Variants in ULK4 observed in about 807,000 individuals in gnomAD.
ULK4 encodes inactive serine/threonine-protein kinase ULK4.
In ULK4, 133 loss-of-function variants were observed where a neutral mutation model predicts 160.6. The observed-to-expected ratio is 0.83, with a 90% CI of 0.72 to 0.96. The LOEUF (loss-of-function observed/expected upper bound fraction) is 0.96, where lower values mean the gene tolerates loss of function less well. Among genes scored for constraint, ULK4 ranks in the 40% least tolerant of loss-of-function variants. The probability of loss-of-function intolerance (pLI) is 0.00; values close to 1 mark genes in which losing one functional copy is unlikely to be tolerated. For missense variants in ULK4, 1,580 were observed against 1,499.5 expected, an observed-to-expected ratio of 1.05 and a Z score of -0.89; for synonymous variants, 534 against 539.8, an observed-to-expected ratio of 0.99 and a Z score of 0.15.
chr3:41,856,547 A>G (rs1304023246), intron 17 of ULK4, among the ~76,000 whole-genome samples: 833 of 76,014 alleles, frequency 0.011, 25 homozygotes, highest in African/African-American at 0.044. Flanking sequence ...GTATATATAT[A>G]TGTGTATATA....
intron 32 of ULK4, among the ~76,000 whole-genome samples, chr3:41,497,984 G>T (rs1165841864): frequency 6.6e-6 from 1 of 152,044 alleles, no homozygotes; most frequent in Non-Finnish European, 1.5e-5. Context: ...CTCAGAGACA[G>T]AAACATTGAA....
At chr3:41,411,434 T>TA (rs2082407693) in intron 34 of ULK4, among the ~76,000 whole-genome samples, 2 of 143,678 alleles carry the variant, frequency 1.4e-5, no homozygotes, top group South Asian at 4.2e-4. Flanking sequence ...TTTTTTTTTT[T>TA]ATTTTTATTT....
At chr3:41,521,308 A>G (rs2085923437) in intron 32 of ULK4, among the ~76,000 whole-genome samples, 1 of 151,784 alleles carries the variant, frequency 6.6e-6, no homozygotes, top group African/African-American at 2.4e-5. Context: ...CATGATTTCC[A>G]TCTCCCAGGT....
chr3:41,744,785 T>C (rs2038361409), intron 22 of ULK4, among the ~76,000 whole-genome samples: 1 of 151,784 alleles, frequency 6.6e-6, no homozygotes. Flanking sequence ...CCCTGTACCA[T>C]TCACCAAAAT....
chr3:41,875,210 C>A (rs1390759299), intron 17 of ULK4, among the ~76,000 whole-genome samples: 4 of 152,020 alleles, frequency 2.6e-5, no homozygotes, highest in Admixed American at 2.6e-4. Flanking sequence ...ATTTCAAAAA[C>A]AATAATGGTG....
chr3:41,630,242 G>A (rs1021654755), intron 30 of ULK4, among the ~76,000 whole-genome samples: 18 of 152,234 alleles, frequency 1.2e-4, no homozygotes, highest in Non-Finnish European at 1.5e-5. Flanking sequence ...TGGAATCATT[G>A]TGTCAGCTGG....
chr3:41,541,480 C>T (rs2086693100), intron 32 of ULK4, among the ~76,000 whole-genome samples: 1 of 151,988 alleles, frequency 6.6e-6, no homozygotes. Flanking sequence ...CAGCTTTGTT[C>T]TTTTTGCTTA....
At chr3:41,845,026 C>G (rs1359633024) in intron 17 of ULK4, among the ~76,000 whole-genome samples, 1 of 149,770 alleles carries the variant, frequency 6.7e-6, no homozygotes, top group Admixed American at 6.7e-5. Flanking sequence ...AGTGCAGTGG[C>G]GCAATCTCGG....
intron 32 of ULK4, among the ~76,000 whole-genome samples, chr3:41,487,553 A>G (rs1396296742): frequency 2.0e-5 from 3 of 152,204 alleles, no homozygotes; most frequent in African/African-American, 7.2e-5. Flanking sequence ...GGAATGTGGT[A>G]TATGGATATA....
intron 32 of ULK4, among the ~76,000 whole-genome samples, chr3:41,472,591 A>T (rs6790435): frequency 0.016 from 2,409 of 151,982 alleles, 55 homozygotes; most frequent in African/African-American, 0.051. Context: ...AAAAAAAGAA[A>T]ATCTGAACAG....
At chr3:41,352,410 G>T (rs1013282142) in intron 35 of ULK4, among the ~76,000 whole-genome samples, 6 of 152,126 alleles carry the variant, frequency 3.9e-5, no homozygotes, top group Admixed American at 6.6e-5. Context: ...TATTAGAAGG[G>T]ATTTGCAATT....
intron 35 of ULK4, among the ~76,000 whole-genome samples, chr3:41,266,472 T>C (rs1044608456): frequency 1.3e-5 from 2 of 152,190 alleles, no homozygotes; most frequent in African/African-American, 4.8e-5. Context: ...CTGAGACCAC[T>C]GAGACCAAGA....
At chr3:41,644,100 A>T (rs1397926033) in intron 30 of ULK4, among the ~76,000 whole-genome samples, 5 of 152,142 alleles carry the variant, frequency 3.3e-5, no homozygotes, top group Non-Finnish European at 7.4e-5. Context: ...GGGCTGAGAC[A>T]ATGGGGCTTT....
At chr3:41,602,328 GGAA>G (rs2032141769) in intron 31 of ULK4, among the ~76,000 whole-genome samples, 1 of 135,874 alleles carries the variant, frequency 7.4e-6, no homozygotes, top group East Asian at 2.1e-4. Context: ...AAGGAGGAAG[GGAA>G]AGGAAAGGAG....
intron 32 of ULK4, among the ~76,000 whole-genome samples, chr3:41,548,263 T>C (rs559102864): frequency 6.6e-6 from 1 of 151,848 alleles, no homozygotes; most frequent in Admixed American, 6.6e-5. Context: ...GGCCTGGGGG[T>C]CATTTCAATA....
intron 32 of ULK4, among the ~76,000 whole-genome samples, chr3:41,518,348 C>G (rs1217869488): frequency 6.6e-6 from 1 of 152,114 alleles, no homozygotes; most frequent in Non-Finnish European, 1.5e-5. Flanking sequence ...TCTTTGGGGA[C>G]TCATTTTTAA....
In ULK4 at chr3:41,546,327, C is replaced by T. The variant is rs78328636; in HGVS notation, c.3226+19698G>A. Among the ~76,000 whole-genome samples, 429 of 152,112 alleles carry T rather than the reference C, an allele frequency of 2.8e-3. 16 individuals carry two copies. The East Asian group carries it at 0.073, about 26-fold the overall frequency. On this transcript the variant is annotated intron_variant, in intron 32 of 36. Transcript: ENST00000301831. The stretch of plus-strand genomic sequence containing the variant: ...AGGACAGATCTATATTGATTTAATC[C>T]GTAGACCAAGGACTTAGCCCTTACT...
intron 19 of ULK4, among the ~76,000 whole-genome samples, chr3:41,805,460 T>C (rs769319308): frequency 1.3e-3 from 203 of 152,336 alleles, no homozygotes; most frequent in Non-Finnish European, 2.4e-3. Context: ...CTTTTCCTAA[T>C]TGAATATCTT....
At chr3:41,918,103 C>A (rs1358812408) in intron 7 of ULK4, among the ~76,000 whole-genome samples, 1 of 152,122 alleles carries the variant, frequency 6.6e-6, no homozygotes, top group Non-Finnish European at 1.5e-5. Flanking sequence ...TTTGTTCCAA[C>A]AGGAGATAGA....
Sources: allele counts gnomAD v4.1 joint callset (sites outside exome capture counted in the v4.1 genomes callset), GRCh38; gene constraint gnomAD v4.1.1; transcripts MANE v1.5; gene names NCBI Gene and HGNC (gene_info 2026-07-23, HGNC 2026-07-21).